Variants in PTAR1 observed in about 807,000 individuals in gnomAD.
PTAR1 encodes the protein protein prenyltransferase alpha subunit repeat-containing protein 1.
Under a neutral mutation model 45.5 loss-of-function variants are expected in PTAR1, and 17 were observed. The ratio of observed to expected loss-of-function variants is 0.37; its 90% CI spans 0.26 to 0.56. The LOEUF (loss-of-function observed/expected upper bound fraction) is 0.56, where lower values mean the gene tolerates loss of function less well. PTAR1 is among the 20% of genes least tolerant of loss of function. The probability of loss-of-function intolerance (pLI) is 0.77; values close to 1 mark genes in which losing one functional copy is unlikely to be tolerated. For missense variants in PTAR1, 391 were observed against 476.3 expected (o/e 0.82, Z 1.67); for synonymous variants, 169 against 171.3 (o/e 0.99, Z 0.11).
At chr9:69,756,560 C>T (rs925765052) in intron 1 of PTAR1, among the ~76,000 whole-genome samples, 7 of 152,112 alleles carry the variant, frequency 4.6e-5, no homozygotes, top group African/African-American at 1.7e-4. Flanking sequence ...CAAGGATCTC[C>T]ATAATCTGGC....
rs1241793998 is a variant in PTAR1, at chr9:69,713,210, A to C, written c.*5132T>G. Reference sequence around the variant, plus strand: ...TACTGCCCTGTATTGTTCTTAGCAAAGAGTTTGGTTTTACAGTGTTAACAT... The same window carrying C: ...TACTGCCCTGTATTGTTCTTAGCAACGAGTTTGGTTTTACAGTGTTAACAT... On this transcript the variant is annotated 3_prime_UTR_variant, in exon 8 of 8. Coordinates refer to ENST00000340434, the MANE Select transcript of PTAR1 (RefSeq NM_001099666.2). The C allele has an allele frequency of 6.6e-6, 1 of 152,096 alleles. No homozygotes were observed. Among genetic ancestry groups the C allele is most frequent in the Non-Finnish European group, 1.5e-5 (1 of 68,004 alleles). The allele number at this position is 152,096 out of a possible 1,614,324, so 9.4% of individuals were successfully genotyped here.
intron 2 of PTAR1, among the ~76,000 whole-genome samples, chr9:69,749,926 T>C (rs1199975293): frequency 6.6e-6 from 1 of 152,090 alleles, no homozygotes; most frequent in Non-Finnish European, 1.5e-5. Context: ...TAAAATTCTC[T>C]AGGAAACAAA....
intron 1 of PTAR1, among the ~76,000 whole-genome samples, chr9:69,755,258 G>A (rs1246918853): frequency 6.6e-6 from 1 of 152,180 alleles, no homozygotes; most frequent in Non-Finnish European, 1.5e-5. Context: ...TCCAAAGGCA[G>A]AGCAATGTGG....
chr9:69,730,863 C>A (rs1305797300), intron 5 of PTAR1, among the ~76,000 whole-genome samples: 2 of 151,986 alleles, frequency 1.3e-5, no homozygotes, highest in Non-Finnish European at 2.9e-5. Context: ...GAGAAAGGAA[C>A]TAAAATCGAG....
chr9:69,724,257 A>T (rs943419767), intron 5 of PTAR1, among the ~76,000 whole-genome samples: 1 of 152,228 alleles, frequency 6.6e-6, no homozygotes, highest in East Asian at 1.9e-4. Context: ...CAGTAATAAT[A>T]AATGGGTTTT....
At position 69,713,324 on chromosome 9, in the gene PTAR1, T is replaced by G. The variant is rs757825775; in HGVS notation, c.*5018A>C. On this transcript the variant is annotated 3_prime_UTR_variant, in exon 8 of 8. Coordinates refer to ENST00000340434, the MANE Select transcript of PTAR1 (RefSeq NM_001099666.2). ...ACAACTGATTCATTGGTTTTCTGTCTTCACCATGAACATGGCATATTGCTG... is the reference window on the plus strand; with the variant it reads ...ACAACTGATTCATTGGTTTTCTGTCGTCACCATGAACATGGCATATTGCTG... The G allele has an allele frequency of 6.6e-6, 1 of 152,138 alleles. No homozygotes were observed. The highest frequency in any genetic ancestry group is 1.5e-5 in the Non-Finnish European group (1 of 68,016). 9.4% of individuals were successfully genotyped at this position (152,138 alleles called of 1,614,324 possible). A position where few individuals can be genotyped will look rare whatever the true frequency, so the allele number is the denominator to read the frequency against.
At chr9:69,735,289 C>G (rs1825735170) in intron 3 of PTAR1, among the ~76,000 whole-genome samples, 1 of 152,148 alleles carries the variant, frequency 6.6e-6, no homozygotes, top group African/African-American at 2.4e-5. Context: ...TGCGAATGCT[C>G]AAGTCCTTGA....
chr9:69,747,280 A>G (rs72721132), intron 2 of PTAR1, among the ~76,000 whole-genome samples: 22,170 of 152,244 alleles, frequency 0.15, 1,702 homozygotes, highest in East Asian at 0.2. Context: ...CTTCCATAAA[A>G]GAGCAGGGAA....
At chr9:69,749,053 G>A (rs188533500) in intron 2 of PTAR1, among the ~76,000 whole-genome samples, 1 of 152,242 alleles carries the variant, frequency 6.6e-6, no homozygotes, top group African/African-American at 2.4e-5. Flanking sequence ...ATTCATGTGA[G>A]TGAGCTTAAC....
chr9:69,737,911 T>C (rs1009198484), intron 3 of PTAR1, among the ~76,000 whole-genome samples: 12 of 152,220 alleles, frequency 7.9e-5, no homozygotes, highest in African/African-American at 2.9e-4. Flanking sequence ...GTACCTAGTT[T>C]CTCTGCTATT....
At chr9:69,744,213 T>C (rs957488102) in intron 2 of PTAR1, among the ~76,000 whole-genome samples, 5 of 152,136 alleles carry the variant, frequency 3.3e-5, no homozygotes, top group African/African-American at 9.7e-5. Flanking sequence ...CAAACTCCAC[T>C]GTCCTATGAA....
At chr9:69,736,490 GA>G (rs1314719114) in intron 3 of PTAR1, among the ~76,000 whole-genome samples, 5 of 152,186 alleles carry the variant, frequency 3.3e-5, no homozygotes, top group Admixed American at 1.3e-4. Flanking sequence ...CCAGGAGGCA[GA>G]GGTTGCAGTG....
chr9:69,749,908 C>T (rs1008567842), intron 2 of PTAR1, among the ~76,000 whole-genome samples: 21 of 152,076 alleles, frequency 1.4e-4, no homozygotes, highest in African/African-American at 5.1e-4. Flanking sequence ...GGCTACCAAA[C>T]TGGCAACTAA....
chr9:69,721,611 T>C (rs985694185), intron 6 of PTAR1, among the ~76,000 whole-genome samples: 1 of 152,170 alleles, frequency 6.6e-6, no homozygotes, highest in Admixed American at 6.5e-5. Context: ...AAATCTTTCA[T>C]GAAAGGAAGA....
At chr9:69,751,145 G>A (rs1588484944) in intron 1 of PTAR1, among the ~76,000 whole-genome samples, 195 bp from the exon 2 acceptor site, 1 of 152,148 alleles carries the variant, frequency 6.6e-6, no homozygotes, top group Non-Finnish European at 1.5e-5. Context: ...ACTCTCTGTA[G>A]ACAGGAGTGA....
chr9:69,719,969 C>A (rs1228885370), intron 6 of PTAR1, among the ~76,000 whole-genome samples: 1 of 152,098 alleles, frequency 6.6e-6, no homozygotes, highest in Non-Finnish European at 1.5e-5. Flanking sequence ...CAGCTCTTCC[C>A]CCATCTCTCT....
chr9:69,751,922 T>C (rs905608310), intron 1 of PTAR1, among the ~76,000 whole-genome samples: 6 of 152,182 alleles, frequency 3.9e-5, no homozygotes, highest in Non-Finnish European at 2.9e-5. Flanking sequence ...GCATTTGACT[T>C]ACTTAGTAAA....
chr9:69,723,363 C>G lies in PTAR1; in HGVS notation c.910G>C (p.Asp304His). The G allele has an allele frequency of 6.2e-7, 1 of 1,613,870 alleles. No homozygotes were observed. Residue 304 changes from aspartate (D) to histidine (H), a missense_variant, in exon 6 of 8, where the codon GAT becomes CAT. Asp to His is a moderately conservative substitution (Grantham distance 81, BLOSUM62 -1). Coordinates refer to ENST00000340434, the MANE Select transcript of PTAR1 (RefSeq NM_001099666.2). ...AGGGTTTCATGTCCTGGGTAGGAAT[C>G]AATAAGATCAGTGCTGAATTCAACT... ...EEVEFSTDLI[D>H]SYPGHETLWC...
rs1797871073 is a variant in PTAR1 at position 69,744,349 on chromosome 9, T to C, written c.257-2491A>G. On this transcript the variant is annotated intron_variant, in intron 2 of 7. Coordinates refer to ENST00000340434, the MANE Select transcript of PTAR1 (RefSeq NM_001099666.2). ...CAAAAAAAAAGTTTAAAGGCTTTCC[T>C]AACCTACCTAGTTGGAAAAAAATCT... Among the ~76,000 whole-genome samples, 3 of 151,732 alleles carry C rather than the reference T, an allele frequency of 2.0e-5. No homozygotes were observed. The South Asian group carries it at 6.2e-4, about 31-fold the overall frequency.
Sources: gnomAD v4.1 joint callset for allele counts (sites outside exome capture counted in the v4.1 genomes callset) on GRCh38, gnomAD v4.1.1 for gene constraint, MANE v1.5 for transcripts, NCBI Gene and HGNC (gene_info 2026-07-23, HGNC 2026-07-21) for gene names.